The following ARK2C variants were observed in gnomAD, a reference collection of about 807,000 sequenced individuals.
ARK2C encodes arkadia (RNF111) C-terminal like ring finger ubiquitin ligase 2C, also known as E3 ubiquitin-protein ligase ARK2C.
the ARK2C span, among the ~76,000 whole-genome samples, chr18:46,380,184 G>A: frequency 3.3e-5 from 5 of 152,350 alleles, no homozygotes; most frequent in South Asian, 1.0e-3. Context: ...CTATAAAATG[G>A]AAGACTGGAT....
At chr18:46,447,702 A>G in the ARK2C span, 1 of 1,614,126 alleles carries the variant, frequency 6.2e-7, no homozygotes, top group African/African-American at 1.3e-5. Flanking sequence ...GGTAAGTGAA[A>G]GAAGACGGAC....
At chr18:46,393,770 G>A in the ARK2C span, among the ~76,000 whole-genome samples, 1 of 152,348 alleles carries the variant, frequency 6.6e-6, no homozygotes, top group South Asian at 2.1e-4. Context: ...GAAAGATGGT[G>A]GACTCACCTT....
At chr18:46,460,512 T>G in the ARK2C span, 1 of 152,694 alleles carries the variant, frequency 6.5e-6, no homozygotes, top group South Asian at 2.1e-4. Flanking sequence ...ATTATTTTTA[T>G]AGTTGTTTTG....
chr18:46,374,418 A>G, the ARK2C span, among the ~76,000 whole-genome samples: 43 of 151,722 alleles, frequency 2.8e-4, no homozygotes, highest in African/African-American at 1.0e-3. Context: ...CGAACTCCCC[A>G]TTCTCCTCCC....
At chr18:46,401,203 C>T in the ARK2C span, among the ~76,000 whole-genome samples, 12 of 152,128 alleles carry the variant, frequency 7.9e-5, no homozygotes, top group Non-Finnish European at 1.3e-4. Context: ...CAGGCCTGTC[C>T]GTGAGTGAGG....
At chr18:46,373,812 G>A in the ARK2C span, among the ~76,000 whole-genome samples, 2,219 of 152,302 alleles carry the variant, frequency 0.015, 29 homozygotes, top group Non-Finnish European at 0.02. Flanking sequence ...AGGCCAGACC[G>A]TGCAGCCAGA....
the ARK2C span, among the ~76,000 whole-genome samples, chr18:46,349,716 C>T: frequency 2.6e-5 from 4 of 152,162 alleles, no homozygotes; most frequent in Non-Finnish European, 4.4e-5. Flanking sequence ...TTCTGTCTTA[C>T]ATTTTTGACC....
At chr18:46,411,815 G>A in the ARK2C span, among the ~76,000 whole-genome samples, 1 of 152,350 alleles carries the variant, frequency 6.6e-6, no homozygotes, top group Non-Finnish European at 1.5e-5. Context: ...GGACATGCAG[G>A]AATCACAGCC....
the ARK2C span, among the ~76,000 whole-genome samples, chr18:46,381,517 T>C: frequency 6.6e-6 from 1 of 152,132 alleles, no homozygotes; most frequent in South Asian, 2.1e-4. Context: ...AGAAGCCTCC[T>C]GGAGGGAAAA....
At chr18:46,350,352 C>T in the ARK2C span, among the ~76,000 whole-genome samples, 2 of 152,214 alleles carry the variant, frequency 1.3e-5, no homozygotes, top group Non-Finnish European at 2.9e-5. Flanking sequence ...ATGGAGAAAA[C>T]AATCATCACA....
At chr18:46,355,908 T>A in the ARK2C span, among the ~76,000 whole-genome samples, 1 of 151,640 alleles carries the variant, frequency 6.6e-6, no homozygotes, top group Non-Finnish European at 1.5e-5. Context: ...ACGACAATGG[T>A]GATGATGATG....
the ARK2C span, among the ~76,000 whole-genome samples, chr18:46,455,364 G>A: frequency 6.6e-6 from 1 of 152,142 alleles, no homozygotes; most frequent in Non-Finnish European, 1.5e-5. Flanking sequence ...GAAGGGACCA[G>A]AAAAGGGAAA....
the ARK2C span, among the ~76,000 whole-genome samples, chr18:46,409,601 G>C: frequency 6.6e-6 from 1 of 152,202 alleles, no homozygotes; most frequent in Non-Finnish European, 1.5e-5. Flanking sequence ...TTGTGGTGCA[G>C]AGGAGGGACC....
the ARK2C span, among the ~76,000 whole-genome samples, chr18:46,338,982 C>G: frequency 1.3e-5 from 2 of 152,184 alleles, no homozygotes; most frequent in Non-Finnish European, 2.9e-5. Flanking sequence ...TGGCTGCCCT[C>G]TCTGCTCTGG....
the ARK2C span, chr18:46,456,607 A>G: frequency 1.9e-6 from 3 of 1,613,974 alleles, no homozygotes; most frequent in Non-Finnish European, 2.5e-6. Flanking sequence ...CCGAGTGGAC[A>G]TTGAGACACA....
chr18:46,354,491 G>A, the ARK2C span, among the ~76,000 whole-genome samples: 3 of 152,228 alleles, frequency 2.0e-5, no homozygotes, highest in African/African-American at 7.2e-5. Context: ...CTGACAAGAT[G>A]GAGTTCTCAG....
the ARK2C span, among the ~76,000 whole-genome samples, chr18:46,439,750 T>C: frequency 6.6e-6 from 1 of 152,278 alleles, no homozygotes; most frequent in Non-Finnish European, 1.5e-5. Context: ...AATAAAAAAA[T>C]AAGAGAATAG....
the ARK2C span, among the ~76,000 whole-genome samples, chr18:46,427,174 AC>A: frequency 6.6e-6 from 1 of 152,242 alleles, no homozygotes; most frequent in Admixed American, 6.5e-5. Context: ...GGGAAGAAGC[AC>A]AGCCTCCCAG....
At chr18:46,390,480 T>G in the ARK2C span, among the ~76,000 whole-genome samples, 1 of 152,248 alleles carries the variant, frequency 6.6e-6, no homozygotes, top group Non-Finnish European at 1.5e-5. Context: ...TGTCTTCGGG[T>G]AGTGTGACTC....
Sources: gnomAD v4.1 joint callset for allele counts (sites outside exome capture counted in the v4.1 genomes callset) on GRCh38, gnomAD v4.1.1 for gene constraint, MANE v1.5 for transcripts, NCBI Gene and HGNC (gene_info 2026-07-23, HGNC 2026-07-21) for gene names.